ZNF385D: variants seen among roughly 807,000 people sequenced by gnomAD.
The protein encoded by ZNF385D is zinc finger protein 659.
Under a neutral mutation model 35.8 loss-of-function variants are expected in ZNF385D, and 15 were observed. The observed-to-expected ratio is 0.42, with a 90% CI of 0.28 to 0.64. The LOEUF (loss-of-function observed/expected upper bound fraction) is 0.64, where lower values mean the gene tolerates loss of function less well. Among genes scored for constraint, ZNF385D ranks in the 30% least tolerant of loss-of-function variants. The pLI, the probability that ZNF385D is intolerant of heterozygous loss-of-function variation, is 0.23. For synonymous variants in ZNF385D, 212 were observed against 186.8 expected (o/e 1.13, Z -1.10); for missense variants, 474 against 494.6 (o/e 0.96, Z 0.39).
At chr3:22,088,509 T>G (rs1274650080) in intron 3 of ZNF385D, among the ~76,000 whole-genome samples, 2 of 152,122 alleles carry the variant, frequency 1.3e-5, no homozygotes. Context: ...GACTCCCAGT[T>G]TGCAATCATC....
Position 22,120,292 on chromosome 3 carries a change from C to G in ZNF385D, c.325+48525G>C, listed in dbSNP as rs576692028. Among the ~76,000 whole-genome samples, 3 of 151,746 alleles carry G rather than the reference C, an allele frequency of 2.0e-5. No homozygotes were observed. In the South Asian group the frequency reaches 6.3e-4, roughly 32 times the overall value. ...ACTTCAGGTGTTGGAAGTTTGGTTT[C>G]TCCTTTGGCCTCTTTCCTCAGCTTG... On this transcript the variant is annotated intron_variant, in intron 3 of 5. Transcript: ENST00000494108.
chr3:22,031,692 G>C (rs1359397407), intron 3 of ZNF385D, among the ~76,000 whole-genome samples: 1 of 152,044 alleles, frequency 6.6e-6, no homozygotes. Flanking sequence ...TTTCCCCATT[G>C]TGCTGGTTAT....
chr3:22,031,712 C>T (rs879569402), intron 3 of ZNF385D, among the ~76,000 whole-genome samples: 1 of 152,086 alleles, frequency 6.6e-6, no homozygotes, highest in Admixed American at 6.6e-5. Flanking sequence ...TTAACATTTG[C>T]CTTCTTGTTA....
intron 2 of ZNF385D, among the ~76,000 whole-genome samples, chr3:21,659,463 G>A (rs1386076377): frequency 2.0e-5 from 3 of 152,138 alleles, no homozygotes; most frequent in Non-Finnish European, 4.4e-5. Context: ...GTAATCAGTT[G>A]AAACGCAAGT....
At chr3:21,687,426 C>T (rs1382277601) in intron 1 of ZNF385D, among the ~76,000 whole-genome samples, 1 of 152,024 alleles carries the variant, frequency 6.6e-6, no homozygotes, top group African/African-American at 2.4e-5. Context: ...CTTTTTGGAG[C>T]AGTTTTATGT....
chr3:21,981,687 C>G (rs967955783), intron 3 of ZNF385D, among the ~76,000 whole-genome samples: 2 of 151,984 alleles, frequency 1.3e-5, no homozygotes, highest in Non-Finnish European at 2.9e-5. Flanking sequence ...AGGGTTTTTA[C>G]AGTTTTCGGT....
chr3:22,278,452 T>C (rs1397300264), intron 2 of ZNF385D, among the ~76,000 whole-genome samples: 2 of 152,150 alleles, frequency 1.3e-5, no homozygotes, highest in Non-Finnish European at 2.9e-5. Flanking sequence ...ACTAATTGTA[T>C]TCTGCTCACT....
intron 3 of ZNF385D, among the ~76,000 whole-genome samples, chr3:21,563,893 A>G (rs1274356916): frequency 6.6e-6 from 1 of 152,148 alleles, no homozygotes; most frequent in African/African-American, 2.4e-5. Context: ...ATCAAAATTA[A>G]TATCACTGTG....
chr3:21,616,162 C>T (rs1183002528), intron 2 of ZNF385D, among the ~76,000 whole-genome samples: 1 of 151,882 alleles, frequency 6.6e-6, no homozygotes, highest in Non-Finnish European at 1.5e-5. Flanking sequence ...AAATGAAAAC[C>T]AGTCTAATAG....
chr3:22,056,255 C>A (rs1699391376), intron 3 of ZNF385D, among the ~76,000 whole-genome samples: 1 of 12,208 alleles, frequency 8.2e-5, no homozygotes, highest in Non-Finnish European at 1.4e-4. Context: ...GCACATGTAC[C>A]CTAAAACTTA....
At chr3:21,902,854 A>T (rs963928934) in intron 3 of ZNF385D, among the ~76,000 whole-genome samples, 1 of 152,154 alleles carries the variant, frequency 6.6e-6, no homozygotes, top group Admixed American at 6.6e-5. Context: ...AATAATAATT[A>T]AAAAACTGAT....
chr3:22,164,247 T>TTTTTTTTTTTTTTTTTTTTTTG (rs1348547943), intron 3 of ZNF385D, among the ~76,000 whole-genome samples: 4 of 93,488 alleles, frequency 4.3e-5, no homozygotes, highest in African/African-American at 2.4e-4. Flanking sequence ...TTTTTTTTTT[T>TTTTTTTTTTTTTTTTTTTTTTG]GAGACGGGGT....
At chr3:21,922,707 C>T (rs573188452) in intron 3 of ZNF385D, among the ~76,000 whole-genome samples, 2 of 152,212 alleles carry the variant, frequency 1.3e-5, no homozygotes, top group African/African-American at 4.8e-5. Context: ...CTAGGAAACA[C>T]CATCCAGGAC....
chr3:21,598,367 CACAGTAATAATTTTAGAAA>C (rs944859722), intron 2 of ZNF385D, among the ~76,000 whole-genome samples: 107 of 152,170 alleles, frequency 7.0e-4, no homozygotes, highest in African/African-American at 2.6e-3. Flanking sequence ...GTGAAAAATC[CACAGTAATAATTTTAGAAA>C]ACATAGAAGC....
At chr3:22,022,715 C>T (rs934794659) in intron 3 of ZNF385D, among the ~76,000 whole-genome samples, 2 of 151,692 alleles carry the variant, frequency 1.3e-5, no homozygotes, top group African/African-American at 2.4e-5. Flanking sequence ...CTTCAAAGAA[C>T]GAACAAGGAA....
chr3:21,997,498 T>C (rs995471281), intron 3 of ZNF385D, among the ~76,000 whole-genome samples: 1 of 150,410 alleles, frequency 6.6e-6, no homozygotes, highest in African/African-American at 2.5e-5. Flanking sequence ...TAAAGTATAA[T>C]AATAATAAAA....
chr3:22,093,499 T>C (rs1362179871), intron 3 of ZNF385D, among the ~76,000 whole-genome samples: 1 of 152,044 alleles, frequency 6.6e-6, no homozygotes, highest in Non-Finnish European at 1.5e-5. Flanking sequence ...AAGGATAATA[T>C]TAAAGGTCTA....
At chr3:22,210,098 T>A (rs150152642) in intron 2 of ZNF385D, among the ~76,000 whole-genome samples, 231 of 151,902 alleles carry the variant, frequency 1.5e-3, no homozygotes, top group African/African-American at 5.3e-3. Context: ...TCAAACCATT[T>A]ATACCAGCCA....
chr3:22,158,875 A>G (rs1206370410), intron 3 of ZNF385D, among the ~76,000 whole-genome samples: 3 of 152,072 alleles, frequency 2.0e-5, no homozygotes, highest in African/African-American at 7.2e-5. Flanking sequence ...GCATACAAGA[A>G]TCTCACCTTT....
Sources: gnomAD v4.1 joint callset for allele counts (sites outside exome capture counted in the v4.1 genomes callset) on GRCh38, gnomAD v4.1.1 for gene constraint, MANE v1.5 for transcripts, NCBI Gene and HGNC (gene_info 2026-07-23, HGNC 2026-07-21) for gene names.